The following RALYL variants were observed in gnomAD, a reference collection of about 807,000 sequenced individuals.
The protein encoded by RALYL is RALY RNA binding protein like.
Under a neutral mutation model 35.1 loss-of-function variants are expected in RALYL, and 29 were observed. The ratio of observed to expected loss-of-function variants is 0.83; its 90% CI spans 0.61 to 1.13. RALYL has a LOEUF of 1.13. Among genes scored for constraint, RALYL ranks in the 50% most tolerant of loss-of-function variants. The pLI is 0.00. For missense variants in RALYL, 359 were observed against 360.4 expected, an observed-to-expected ratio of 1.00 and a Z score of 0.03; for synonymous variants, 120 against 127.6, an observed-to-expected ratio of 0.94 and a Z score of 0.40.
intron 2 of RALYL, among the ~76,000 whole-genome samples, chr8:84,536,734 A>G (rs2059636222): frequency 6.6e-6 from 1 of 152,182 alleles, no homozygotes; most frequent in South Asian, 2.1e-4. Flanking sequence ...AAAGAAGATA[A>G]TTTTTAGCTT....
chr8:84,203,610 A>G (rs1817410217), intron 1 of RALYL, among the ~76,000 whole-genome samples: 1 of 152,194 alleles, frequency 6.6e-6, no homozygotes, highest in East Asian at 1.9e-4. Context: ...TTCTAGTAAT[A>G]TATTTTCATT....
intron 1 of RALYL, among the ~76,000 whole-genome samples, chr8:84,444,202 G>A (rs1280479005): frequency 6.6e-6 from 1 of 152,000 alleles, no homozygotes; most frequent in East Asian, 1.9e-4. Flanking sequence ...TGTGGTGCGT[G>A]TCTATAGTCC....
At chr8:84,382,230 TAA>T (rs559887402) in intron 1 of RALYL, among the ~76,000 whole-genome samples, 155 of 136,452 alleles carry the variant, frequency 1.1e-3, no homozygotes, top group African/African-American at 3.7e-3. Context: ...GCATTAGAAT[TAA>T]AAAAAAAAAA....
chr8:84,799,993 G>A (rs962445020), intron 3 of RALYL, among the ~76,000 whole-genome samples: 3 of 152,038 alleles, frequency 2.0e-5, no homozygotes, highest in African/African-American at 7.2e-5. Context: ...AAGGGAGGAA[G>A]ACAGTAAATT....
At chr8:84,317,708 A>C (rs1844020597) in intron 1 of RALYL, among the ~76,000 whole-genome samples, 1 of 152,178 alleles carries the variant, frequency 6.6e-6, no homozygotes, top group Admixed American at 6.5e-5. Flanking sequence ...AGGGATGTAT[A>C]TTCTGTAAGC....
At chr8:84,454,034 C>T (rs529831935) in intron 1 of RALYL, among the ~76,000 whole-genome samples, 1 of 152,152 alleles carries the variant, frequency 6.6e-6, no homozygotes, top group East Asian at 1.9e-4. Context: ...AAATGGACTT[C>T]ATGTACTTCC....
At chr8:84,293,647 G>C (rs1430505827) in intron 1 of RALYL, among the ~76,000 whole-genome samples, 1 of 152,100 alleles carries the variant, frequency 6.6e-6, no homozygotes, top group African/African-American at 2.4e-5. Flanking sequence ...ATTTTGAGTA[G>C]CACAGCGTAG....
intron 2 of RALYL, among the ~76,000 whole-genome samples, chr8:84,558,216 C>T (rs1252202): frequency 0.79 from 120,246 of 152,074 alleles, 47,655 homozygotes; most frequent in Middle Eastern, 0.86. Flanking sequence ...TATTCCTTTA[C>T]AAGAATTGTG....
intron 1 of RALYL, among the ~76,000 whole-genome samples, chr8:84,451,088 T>C (rs2133188980): frequency 6.6e-6 from 1 of 152,038 alleles, no homozygotes; most frequent in Admixed American, 6.6e-5. Flanking sequence ...CAATTTCTAT[T>C]CGGGTAAATA....
chr8:84,838,724 T>C (rs1832555112), intron 4 of RALYL, among the ~76,000 whole-genome samples: 1 of 152,212 alleles, frequency 6.6e-6, no homozygotes, highest in Non-Finnish European at 1.5e-5. Flanking sequence ...GACAAGATAA[T>C]TTAAGCAGCA....
chr8:84,284,389 G>A (rs1437253143), intron 1 of RALYL, among the ~76,000 whole-genome samples: 1 of 152,118 alleles, frequency 6.6e-6, no homozygotes, highest in African/African-American at 2.4e-5. Flanking sequence ...TTAGAGAAAT[G>A]TATGATGTTA....
chr8:84,423,300 G>C (rs1323385085), intron 1 of RALYL, among the ~76,000 whole-genome samples: 3 of 148,958 alleles, frequency 2.0e-5, no homozygotes, highest in Non-Finnish European at 4.5e-5. Flanking sequence ...TTACCATTAT[G>C]TAATGGCCTT....
chr8:84,511,795 A>G (rs901062210), intron 1 of RALYL, among the ~76,000 whole-genome samples: 2 of 151,902 alleles, frequency 1.3e-5, no homozygotes, highest in Non-Finnish European at 2.9e-5. Context: ...AACATCCAAT[A>G]TTTGTCTTTC....
chr8:84,621,037 C>A (rs1472231054), intron 2 of RALYL, among the ~76,000 whole-genome samples: 1 of 152,322 alleles, frequency 6.6e-6, no homozygotes, highest in East Asian at 1.9e-4. Context: ...GAGGTTACTG[C>A]TGTCTTTTTG....
chr8:84,725,183 C>T (rs997897229), intron 2 of RALYL, among the ~76,000 whole-genome samples: 4 of 151,544 alleles, frequency 2.6e-5, no homozygotes, highest in Non-Finnish European at 4.4e-5. Flanking sequence ...TCAAAAAAGT[C>T]ATTTTGATAG....
At chr8:84,895,422 T>C (rs1019222682) in intron 8 of RALYL, among the ~76,000 whole-genome samples, 1 of 152,158 alleles carries the variant, frequency 6.6e-6, no homozygotes, top group Non-Finnish European at 1.5e-5. Flanking sequence ...TCTTATATAT[T>C]TTTTTCCAAA....
chr8:84,441,785 A>G (rs2048356527), intron 1 of RALYL, among the ~76,000 whole-genome samples: 1 of 152,098 alleles, frequency 6.6e-6, no homozygotes. Context: ...TCTAAATTCA[A>G]AATAGGGGTT....
chr8:84,565,503 T>C (rs2061722250), intron 2 of RALYL, among the ~76,000 whole-genome samples: 1 of 151,578 alleles, frequency 6.6e-6, no homozygotes, highest in Admixed American at 6.6e-5. Context: ...GTTTTATAAA[T>C]TTTGACAGTA....
At chr8:84,859,901 A>G (rs1837790576) in intron 5 of RALYL, among the ~76,000 whole-genome samples, 1 of 152,154 alleles carries the variant, frequency 6.6e-6, no homozygotes, top group Non-Finnish European at 1.5e-5. Context: ...GTAACTCACC[A>G]AAATATTCAG....
Sources: gnomAD v4.1 joint callset for allele counts (sites outside exome capture counted in the v4.1 genomes callset) on GRCh38, gnomAD v4.1.1 for gene constraint, MANE v1.5 for transcripts, NCBI Gene and HGNC (gene_info 2026-07-23, HGNC 2026-07-21) for gene names.